Variants in NNMT observed in about 807,000 individuals in gnomAD.
NNMT encodes the protein nicotinamide N-methyltransferase.
A neutral mutation model predicts 11.7 loss-of-function variants in NNMT; 10 were observed. The observed-to-expected ratio is 0.85, with a 90% CI of 0.53 to 1.45. NNMT has a LOEUF of 1.45. Among genes scored for constraint, NNMT ranks in the 40% most tolerant of loss-of-function variants. The probability of loss-of-function intolerance (pLI) is 0.00; values close to 1 mark genes in which losing one functional copy is unlikely to be tolerated. For synonymous variants in NNMT, 143 were observed against 133.8 expected, an observed-to-expected ratio of 1.07 and a Z score of -0.48; for missense variants, 381 against 319.4, an observed-to-expected ratio of 1.19 and a Z score of -1.47.
chr11:114,270,897 C>T (rs1364128989), intron 2 of NNMT, among the ~76,000 whole-genome samples: 1 of 152,194 alleles, frequency 6.6e-6, no homozygotes, highest in Admixed American at 6.5e-5. Context: ...GTCTCAGCCT[C>T]CCGAGTAGCT....
intron 2 of NNMT, among the ~76,000 whole-genome samples, chr11:114,306,759 G>A (rs573457979): frequency 6.6e-6 from 1 of 152,232 alleles, no homozygotes; most frequent in Non-Finnish European, 1.5e-5. Flanking sequence ...TAGCCTTGTA[G>A]TACAGTTTGA....
chr11:114,301,165 G>A (rs1365529773), intron 2 of NNMT, among the ~76,000 whole-genome samples: 5 of 152,118 alleles, frequency 3.3e-5, no homozygotes, highest in South Asian at 2.1e-4. Flanking sequence ...TAAAAATGGT[G>A]TAGCCATTTT....
At chr11:114,265,825 T>G (rs1265248448) in intron 2 of NNMT, among the ~76,000 whole-genome samples, 3 of 152,058 alleles carry the variant, frequency 2.0e-5, no homozygotes, top group Non-Finnish European at 4.4e-5. Context: ...TCAACTTAGT[T>G]GTCCAATCTG....
intron 2 of NNMT, among the ~76,000 whole-genome samples, chr11:114,308,256 C>T (rs376555119): frequency 5.9e-5 from 9 of 152,288 alleles, no homozygotes; most frequent in South Asian, 4.1e-4. Flanking sequence ...GTGACCTCCA[C>T]GCTTACTTAG....
At position 114,312,276 on chromosome 11, in the gene NNMT, G is replaced by T; in HGVS notation, c.594G>T (p.Ala198=). 17 of 1,614,222 alleles carry T rather than the reference G, an allele frequency of 1.1e-5. No homozygotes were observed. Among genetic ancestry groups the T allele is most frequent in the Non-Finnish European group, 1.4e-5 (17 of 1,180,038 alleles). ...GGGGCTTCCTGGTGATCATGGATGC[G>T]CTCAAGAGCAGCTACTACATGATTG... is the stretch of plus-strand genomic sequence containing the variant. ...KPGGFLVIMD[A]LKSSYYMIGE... The change falls in exon 3 of 3, where the codon GCG becomes GCT. Residue 198 remains alanine, a synonymous_variant. Coordinates refer to ENST00000299964, the MANE Select transcript of NNMT (RefSeq NM_006169.3).
In NNMT at chr11:114,259,285, G is replaced by A. The variant is rs573679602; in HGVS notation, c.-217+1407G>A. On this transcript the variant is annotated intron_variant, in intron 1 of 4. Coordinates refer to the NNMT transcript ENST00000535401. ...GGGGCACGTGAGAGCAGGGAAGGAG[G>A]AACATCACATGCCCGCTCGGGCACC... is the stretch of plus-strand genomic sequence containing the variant. Among the ~76,000 whole-genome samples the A allele has an allele frequency of 2.0e-5, 3 of 148,070 alleles. No individual in the cohort carries two copies. In the East Asian group the frequency reaches 6.0e-4, roughly 29 times the overall value.
intron 1 of NNMT, among the ~76,000 whole-genome samples, chr11:114,259,258 CA>C (rs1209800767): frequency 6.6e-6 from 1 of 151,244 alleles, no homozygotes; most frequent in Non-Finnish European, 1.5e-5. Flanking sequence ...TTGCAGTTGT[CA>C]GGGGCACGTG....
intron 2 of NNMT, among the ~76,000 whole-genome samples, chr11:114,274,242 A>T (rs971044518): frequency 6.6e-5 from 10 of 152,372 alleles, no homozygotes; most frequent in African/African-American, 2.4e-4. Context: ...CCTCAGAGCC[A>T]TGCTTCGATA....
intron 2 of NNMT, among the ~76,000 whole-genome samples, chr11:114,283,517 G>A (rs563986870): frequency 6.6e-6 from 1 of 152,234 alleles, no homozygotes; most frequent in South Asian, 2.1e-4. Context: ...AAATAAAAGG[G>A]GAGGAAGAAA....
At chr11:114,278,025 G>GTT (rs1284672712) in intron 2 of NNMT, among the ~76,000 whole-genome samples, 3 of 152,102 alleles carry the variant, frequency 2.0e-5, no homozygotes, top group African/African-American at 7.2e-5. Flanking sequence ...AAATATGTTG[G>GTT]CTGCTATGTT....
chr11:114,272,510 T>G (rs1945177428), intron 2 of NNMT, among the ~76,000 whole-genome samples: 1 of 152,220 alleles, frequency 6.6e-6, no homozygotes, highest in African/African-American at 2.4e-5. Flanking sequence ...GGGAAAATTT[T>G]AGTTCCACTT....
At chr11:114,283,680 G>A (rs935057612) in intron 2 of NNMT, among the ~76,000 whole-genome samples, 3 of 152,050 alleles carry the variant, frequency 2.0e-5, no homozygotes, top group Admixed American at 6.5e-5. Context: ...AGGTTATTAC[G>A]TCTATCCTCA....
intron 2 of NNMT, among the ~76,000 whole-genome samples, chr11:114,277,541 A>C (rs1945223361): frequency 6.6e-6 from 1 of 152,162 alleles, no homozygotes; most frequent in South Asian, 2.1e-4. Flanking sequence ...GATGTAAAGG[A>C]TATTTGAGGG....
intron 2 of NNMT, among the ~76,000 whole-genome samples, chr11:114,284,062 G>C (rs1945279679): frequency 6.6e-6 from 1 of 152,208 alleles, no homozygotes; most frequent in Admixed American, 6.5e-5. Flanking sequence ...AGTTTTGTAA[G>C]TAAGCATGTG....
chr11:114,271,659 C>T (rs1179306612), intron 2 of NNMT, among the ~76,000 whole-genome samples: 2 of 152,184 alleles, frequency 1.3e-5, no homozygotes, highest in Non-Finnish European at 2.9e-5. Flanking sequence ...TAAACCTGTT[C>T]TTCTTCCTGT....
intron 2 of NNMT, among the ~76,000 whole-genome samples, chr11:114,302,708 A>G (rs907754815): frequency 7.2e-5 from 11 of 152,194 alleles, no homozygotes; most frequent in Admixed American, 2.0e-4. Flanking sequence ...TATATTAAAC[A>G]TAGGAATTTT....
intron 2 of NNMT, among the ~76,000 whole-genome samples, chr11:114,302,506 A>G (rs1162070774): frequency 6.6e-6 from 1 of 152,010 alleles, no homozygotes; most frequent in African/African-American, 2.4e-5. Context: ...TCTATGTATA[A>G]CACTATAATA....
At chr11:114,298,624 A>G (rs1945407779) in intron 2 of NNMT, among the ~76,000 whole-genome samples, 1 of 152,222 alleles carries the variant, frequency 6.6e-6, no homozygotes, top group South Asian at 2.1e-4. Flanking sequence ...TAATGCTGAC[A>G]TCACCAGATA....
chr11:114,308,496 C>G (rs538835748), intron 2 of NNMT, among the ~76,000 whole-genome samples: 1 of 152,184 alleles, frequency 6.6e-6, no homozygotes, highest in African/African-American at 2.4e-5. Context: ...CGGGGCCCTC[C>G]TCTTCATCCT....
Sources: gnomAD v4.1 joint callset for allele counts (sites outside exome capture counted in the v4.1 genomes callset) on GRCh38, gnomAD v4.1.1 for gene constraint, MANE v1.5 for transcripts, NCBI Gene and HGNC (gene_info 2026-07-23, HGNC 2026-07-21) for gene names.